Variants in ZFP2 observed in about 807,000 individuals in gnomAD.
The protein encoded by ZFP2 is zinc finger protein ZFP2.
In ZFP2, 33 loss-of-function variants were observed where a neutral mutation model predicts 36.1. That is an observed-to-expected ratio of 0.92 (90% CI 0.69 to 1.22). The LOEUF (loss-of-function observed/expected upper bound fraction) is 1.22, where lower values mean the gene tolerates loss of function less well. ZFP2 is among the 50% of genes most tolerant of loss of function. The pLI, the probability that ZFP2 is intolerant of heterozygous loss-of-function variation, is 0.00. For synonymous variants in ZFP2, 170 were observed against 178.0 expected (o/e 0.96, Z 0.36); for missense variants, 522 against 551.4 (o/e 0.95, Z 0.53).
rs1053997362 is a variant in ZFP2 at position 178,916,498 on chromosome 5, G to A, written c.-223-67G>A. 6.2e-6 allele frequency: 6 copies of A among 965,148 alleles called. No individual in the cohort carries two copies. In the South Asian group the frequency reaches 1.4e-4, roughly 23 times the overall value. 59.8% of individuals were successfully genotyped at this position (965,148 alleles called of 1,614,324 possible). On this transcript the variant is annotated intron_variant, in intron 3 of 4. Coordinates refer to ENST00000361362, the MANE Select transcript of ZFP2 (RefSeq NM_030613.4). ...GCAGTGGGAGAAACTAAAGATAGGC[G>A]AAAGTTGAATGGAAAGGAGCCCATA...
intron 3 of ZFP2, among the ~76,000 whole-genome samples, chr5:178,914,785 C>T (rs1392422969): frequency 2.6e-5 from 4 of 152,106 alleles, no homozygotes; most frequent in Non-Finnish European, 5.9e-5. Flanking sequence ...TGTGATTTTA[C>T]AGGGAGGGCT....
chr5:178,896,682 A>G lies in ZFP2; in HGVS notation c.-450+708A>G, dbSNP rs865783769. Among the ~76,000 whole-genome samples, 18 of 152,352 alleles carry G rather than the reference A, an allele frequency of 1.2e-4. No homozygotes were observed. The Middle Eastern group carries it at 0.01, about 86-fold the overall frequency. ...AGATTAAAACAATCATTCAAAATCT[A>G]TCTCCATCTGCATGGCAGCGTGGAT... On this transcript the variant is annotated intron_variant, in intron 1 of 4. Transcript: ENST00000361362.
chr5:178,896,990 T>A (rs549588832), intron 1 of ZFP2, among the ~76,000 whole-genome samples: 2 of 152,316 alleles, frequency 1.3e-5, no homozygotes, highest in African/African-American at 2.4e-5. Context: ...AAAGTATGGA[T>A]GTGTCGTATT....
intron 4 of ZFP2, among the ~76,000 whole-genome samples, chr5:178,923,225 A>T (rs1418208804): frequency 1.3e-5 from 2 of 149,530 alleles, no homozygotes; most frequent in Non-Finnish European, 3.0e-5. Flanking sequence ...TGGAACCAGC[A>T]CCGCCATCCG....
chr5:178,922,380 T>C, intron 4 of ZFP2: 1 of 1,154,052 alleles, frequency 8.7e-7, no homozygotes, highest in African/African-American at 1.5e-5. Flanking sequence ...GCACCACTAA[T>C]AGAGTTGGCA....
chr5:178,920,702 C>T (rs756686215), intron 4 of ZFP2, among the ~76,000 whole-genome samples: 2 of 151,690 alleles, frequency 1.3e-5, no homozygotes, highest in Non-Finnish European at 2.9e-5. Flanking sequence ...TTTATATGCT[C>T]ATTTTCTTTG....
chr5:178,907,484 G>A (rs1758191291), intron 1 of ZFP2, among the ~76,000 whole-genome samples: 1 of 151,850 alleles, frequency 6.6e-6, no homozygotes, highest in South Asian at 2.1e-4. Flanking sequence ...TGGGGGTTAA[G>A]TGACAACATG....
At chr5:178,903,611 TA>T (rs1411545672) in intron 1 of ZFP2, among the ~76,000 whole-genome samples, 1 of 152,232 alleles carries the variant, frequency 6.6e-6, no homozygotes, top group Non-Finnish European at 1.5e-5. Flanking sequence ...TATATTTTGC[TA>T]CAAAAAAGTT....
intron 1 of ZFP2, among the ~76,000 whole-genome samples, chr5:178,902,820 C>A (rs1232394597): frequency 6.6e-6 from 1 of 152,188 alleles, no homozygotes; most frequent in Non-Finnish European, 1.5e-5. Flanking sequence ...AATTTTTAAT[C>A]CAGTTGATAA....
rs190288417 is a variant in ZFP2, at chr5:178,929,211, C to A, written c.-77-2026C>A. 2.0e-5 allele frequency among the ~76,000 whole-genome samples: 3 copies of A among 150,704 alleles called. No individual in the cohort carries two copies. The East Asian group carries it at 5.8e-4, about 29-fold the overall frequency. On this transcript the variant is annotated intron_variant, in intron 4 of 4. Transcript: ENST00000361362. ...TCTGAAATGCCTTTGAGGCCTTTTC[C>A]CCATTGTCTTGGCTTACTAGTACTT...
intron 1 of ZFP2, among the ~76,000 whole-genome samples, chr5:178,911,120 T>C (rs889211789): frequency 6.6e-6 from 1 of 152,232 alleles, no homozygotes; most frequent in Non-Finnish European, 1.5e-5. Flanking sequence ...TATTTGTCAG[T>C]GATTTTTAAT....
intron 1 of ZFP2, among the ~76,000 whole-genome samples, chr5:178,907,263 C>T (rs1374166844): frequency 1.3e-5 from 2 of 152,014 alleles, no homozygotes; most frequent in Non-Finnish European, 1.5e-5. Context: ...GCAGCTCCCT[C>T]TTTTATGGCC....
chr5:178,904,937 G>T (rs1758138292), intron 1 of ZFP2, among the ~76,000 whole-genome samples: 1 of 151,916 alleles, frequency 6.6e-6, no homozygotes, highest in African/African-American at 2.4e-5. Context: ...TCCTGACCTC[G>T]TGATCTGCCT....
At chr5:178,925,168 TAC>T (rs1758645496) in intron 4 of ZFP2, among the ~76,000 whole-genome samples, 1 of 141,484 alleles carries the variant, frequency 7.1e-6, no homozygotes, top group African/African-American at 2.8e-5. Context: ...TACACATATA[TAC>T]ATATACATAT....
chr5:178,930,315 T>TTTCC, intron 4 of ZFP2, among the ~76,000 whole-genome samples: 1 of 38,676 alleles, frequency 2.6e-5, no homozygotes, highest in Non-Finnish European at 4.6e-5. Context: ...TTCCCTTTCC[T>TTTCC]TTTTTTTTTT....
chr5:178,919,298 G>C (rs1410211470), intron 4 of ZFP2, among the ~76,000 whole-genome samples: 1 of 152,088 alleles, frequency 6.6e-6, no homozygotes, highest in African/African-American at 2.4e-5. Flanking sequence ...TTTATTTCCT[G>C]GATAAATCCT....
chr5:178,899,035 G>A (rs571950725), intron 1 of ZFP2, among the ~76,000 whole-genome samples: 4 of 152,262 alleles, frequency 2.6e-5, no homozygotes, highest in South Asian at 2.1e-4. Flanking sequence ...CAGTTTATCC[G>A]TATTCCAAGC....
At chr5:178,927,530 CTT>C (rs1199004556) in intron 4 of ZFP2, among the ~76,000 whole-genome samples, 2 of 148,664 alleles carry the variant, frequency 1.3e-5, no homozygotes, top group Non-Finnish European at 3.0e-5. Flanking sequence ...GAGTTTCGCT[CTT>C]GTCGCCCAGG....
chr5:178,920,505 C>G (rs903493123), intron 4 of ZFP2, among the ~76,000 whole-genome samples: 1 of 151,966 alleles, frequency 6.6e-6, no homozygotes, highest in Non-Finnish European at 1.5e-5. Context: ...GGCATGGTGG[C>G]GTGTACCTGT....
Sources: allele counts gnomAD v4.1 joint callset (sites outside exome capture counted in the v4.1 genomes callset), GRCh38; gene constraint gnomAD v4.1.1; transcripts MANE v1.5; gene names NCBI Gene and HGNC (gene_info 2026-07-23, HGNC 2026-07-21).